The following IMMP2L variants were observed in gnomAD, a reference collection of about 807,000 sequenced individuals.
IMMP2L encodes inner mitochondrial membrane peptidase subunit 2.
A neutral mutation model predicts 19.3 loss-of-function variants in IMMP2L; 18 were observed. The ratio of observed to expected loss-of-function variants is 0.93; its 90% CI spans 0.64 to 1.38. The LOEUF is 1.38. IMMP2L is among the 40% of genes most tolerant of loss of function. The probability of loss-of-function intolerance (pLI) is 0.00; values close to 1 mark genes in which losing one functional copy is unlikely to be tolerated. For synonymous variants in IMMP2L, 76 were observed against 73.0 expected, an observed-to-expected ratio of 1.04 and a Z score of -0.21; for missense variants, 233 against 218.2, an observed-to-expected ratio of 1.07 and a Z score of -0.43.
chr7:110,801,573 G>C (rs896497350), intron 5 of IMMP2L, among the ~76,000 whole-genome samples: 18 of 152,052 alleles, frequency 1.2e-4, no homozygotes, highest in Non-Finnish European at 2.9e-5. Flanking sequence ...TATTTATGCT[G>C]TTACAATTCT....
At chr7:110,786,419 G>T (rs997248824) in intron 5 of IMMP2L, among the ~76,000 whole-genome samples, 2 of 151,894 alleles carry the variant, frequency 1.3e-5, no homozygotes, top group African/African-American at 4.8e-5. Flanking sequence ...GCTAAAAATA[G>T]CATGGGCTTA....
At chr7:111,393,714 C>A (rs1832610023) in intron 3 of IMMP2L, among the ~76,000 whole-genome samples, 1 of 152,138 alleles carries the variant, frequency 6.6e-6, no homozygotes, top group African/African-American at 2.4e-5. Context: ...ATCCCTCACG[C>A]CCAAGAGTAC....
intron 2 of IMMP2L, among the ~76,000 whole-genome samples, chr7:111,504,892 C>G (rs904818370): frequency 6.6e-6 from 1 of 151,600 alleles, no homozygotes; most frequent in African/African-American, 2.4e-5. Flanking sequence ...TAGGCAATAC[C>G]ATTCAGGACA....
chr7:111,465,922 G>A lies in IMMP2L; in HGVS notation c.239+21316C>T, dbSNP rs563565193. 2.0e-3 allele frequency among the ~76,000 whole-genome samples: 306 copies of A among 152,184 alleles called. 3 individuals are homozygous for A. Among genetic ancestry groups the A allele is most frequent in the African/African-American group, 7.0e-3 (291 of 41,512 alleles). ...TCACAATAGCAAAGACTTGGAACCA[G>A]GCCAAATGTCCAAGAATGATAGACT... On this transcript the variant is annotated intron_variant, in intron 3 of 5. Transcript: ENST00000405709.
intron 3 of IMMP2L, among the ~76,000 whole-genome samples, chr7:111,022,733 C>G (rs1038454023): frequency 6.6e-6 from 1 of 152,198 alleles, no homozygotes; most frequent in Non-Finnish European, 1.5e-5. Context: ...AGAGAGGTCA[C>G]TAATTCATGT....
rs1160427367 is a variant in IMMP2L, at chr7:110,699,000, C to G, written c.409-35279G>C. 2.0e-5 allele frequency among the ~76,000 whole-genome samples: 3 copies of G among 152,096 alleles called. No individual in the cohort carries two copies. The East Asian group carries it at 5.8e-4, about 29-fold the overall frequency. ...GGTGAGGTGCTTTGACAGCTGTCAGCGGAGTGTCAAACAGACTGTGGCAGT... is the reference window on the plus strand; with the variant it reads ...GGTGAGGTGCTTTGACAGCTGTCAGGGGAGTGTCAAACAGACTGTGGCAGT... On this transcript the variant is annotated intron_variant, in intron 5 of 5. Coordinates refer to ENST00000405709, the MANE Select transcript of IMMP2L (RefSeq NM_032549.4).
intron 5 of IMMP2L, among the ~76,000 whole-genome samples, chr7:110,750,679 C>T (rs2130916193): frequency 6.6e-6 from 1 of 152,024 alleles, no homozygotes; most frequent in Admixed American, 6.6e-5. Flanking sequence ...AGGGCCTGCC[C>T]CATGCTAGAC....
intron 3 of IMMP2L, among the ~76,000 whole-genome samples, chr7:111,409,300 T>C (rs981309123): frequency 6.6e-6 from 1 of 151,630 alleles, no homozygotes; most frequent in African/African-American, 2.4e-5. Context: ...AATAAATTTA[T>C]GATTCAATAT....
intron 3 of IMMP2L, among the ~76,000 whole-genome samples, chr7:111,285,199 G>C (rs1584454010): frequency 6.6e-6 from 1 of 152,130 alleles, no homozygotes; most frequent in Admixed American, 6.6e-5. Context: ...AGGCAGGAAA[G>C]GCCATCAGGA....
chr7:110,867,794 T>C (rs1252502048), intron 5 of IMMP2L, among the ~76,000 whole-genome samples: 1 of 151,996 alleles, frequency 6.6e-6, no homozygotes, highest in African/African-American at 2.4e-5. Context: ...CTCAAGCTCT[T>C]ACATTTCAAA....
chr7:110,686,167 A>G (rs2130494402), intron 5 of IMMP2L, among the ~76,000 whole-genome samples: 1 of 152,140 alleles, frequency 6.6e-6, no homozygotes, highest in East Asian at 1.9e-4. Flanking sequence ...TCCCTCTGCA[A>G]TCTTTAACCC....
At chr7:110,911,883 T>C (rs1380050764) in intron 4 of IMMP2L, among the ~76,000 whole-genome samples, 1 of 152,126 alleles carries the variant, frequency 6.6e-6, no homozygotes, top group East Asian at 1.9e-4. Flanking sequence ...ACAGTAAATA[T>C]GTATCAAAAT....
intron 4 of IMMP2L, 35 bp downstream of exon 4, chr7:110,963,465 A>G: frequency 2.1e-6 from 3 of 1,450,698 alleles, no homozygotes; most frequent in Non-Finnish European, 2.9e-6. Flanking sequence ...CTAGATATTT[A>G]AAACTTGAAC....
intron 3 of IMMP2L, among the ~76,000 whole-genome samples, chr7:111,316,374 G>A (rs1268095807): frequency 6.6e-6 from 1 of 152,034 alleles, no homozygotes; most frequent in African/African-American, 2.4e-5. Flanking sequence ...AAAAGGGCCT[G>A]AAAACCAGAA....
intron 4 of IMMP2L, among the ~76,000 whole-genome samples, chr7:110,932,080 C>G (rs1585317627): frequency 6.6e-6 from 1 of 152,134 alleles, no homozygotes; most frequent in Non-Finnish European, 1.5e-5. Context: ...CTTCAGAGTA[C>G]TTGCCATTAC....
intron 4 of IMMP2L, among the ~76,000 whole-genome samples, chr7:110,920,889 C>T (rs1293839950): frequency 1.3e-5 from 2 of 152,138 alleles, no homozygotes; most frequent in Non-Finnish European, 2.9e-5. Context: ...ATAACCATAG[C>T]ACAATTGTCA....
In IMMP2L at chr7:110,814,662, T is replaced by C. The variant is rs1374079948; in HGVS notation, c.408+71931A>G. Reference sequence around the variant, plus strand: ...AATGGACTTACTCTATCGCTCAGAGTAGAATTCTTTTTCAACAAAAACAAT... The same window carrying C: ...AATGGACTTACTCTATCGCTCAGAGCAGAATTCTTTTTCAACAAAAACAAT... On this transcript the variant is annotated intron_variant, in intron 5 of 5. Transcript: ENST00000405709. Among the ~76,000 whole-genome samples, 3 of 149,248 alleles carry C rather than the reference T, an allele frequency of 2.0e-5. No individual in the cohort carries two copies. The Admixed American group carries it at 2.0e-4, about 10-fold the overall frequency.
chr7:111,561,320 ATCT>A (rs1270969826), intron 1 of IMMP2L, among the ~76,000 whole-genome samples: 2 of 152,272 alleles, frequency 1.3e-5, no homozygotes, highest in African/African-American at 2.4e-5. Context: ...CCCTCAAAAC[ATCT>A]TCTTCTGTAA....
chr7:110,935,343 G>A (rs1182984963), intron 4 of IMMP2L, among the ~76,000 whole-genome samples: 2 of 152,156 alleles, frequency 1.3e-5, no homozygotes. Flanking sequence ...CTTCTGGCTT[G>A]TAGGGTTTCT....
Sources: allele counts gnomAD v4.1 joint callset (sites outside exome capture counted in the v4.1 genomes callset), GRCh38; gene constraint gnomAD v4.1.1; transcripts MANE v1.5; gene names NCBI Gene and HGNC (gene_info 2026-07-23, HGNC 2026-07-21).